ZFHX3: variants seen among roughly 807,000 people sequenced by gnomAD.
The protein encoded by ZFHX3 is zinc finger homeobox 3, also known as zinc finger homeobox protein 3.
In ZFHX3, 42 loss-of-function variants were observed where a neutral mutation model predicts 279.1. The observed-to-expected ratio is 0.15, with a 90% confidence interval of 0.12 to 0.19. The LOEUF (loss-of-function observed/expected upper bound fraction) is 0.19, where lower values mean the gene tolerates loss of function less well. Ranked by LOEUF, ZFHX3 falls within the 10% of genes least tolerant of loss-of-function variation. The probability of loss-of-function intolerance (pLI) is 1.00; values close to 1 mark genes in which losing one functional copy is unlikely to be tolerated. For synonymous variants in ZFHX3, 2,293 were observed against 1,957.8 expected, an observed-to-expected ratio of 1.17 and a Z score of -4.52; for missense variants, 4,981 against 4,754.0, an observed-to-expected ratio of 1.05 and a Z score of -1.40.
At position 72,795,599 on chromosome 16, in the gene ZFHX3, G is replaced by A. The variant is rs767177678; in HGVS notation, c.7083C>T (p.Asp2361=). The stretch of plus-strand genomic sequence containing the variant: ...CCATGGAATCCTCATTTTGGCTGTC[G>A]TCCTGCCCCTCCTCATCCTCATCCT... ...CYKDEDEEGQ[D]DSQNEDSMDA... is the part of the protein sequence containing the mutation. Residue 2361 remains aspartate (D), a synonymous_variant, in exon 9 of 10, where the codon GAC becomes GAT. Coordinates refer to ENST00000268489, the MANE Select transcript of ZFHX3 (RefSeq NM_006885.4). 1.4e-5 allele frequency: 22 copies of A among 1,613,690 alleles called. No individual in the cohort carries two copies. In the Admixed American group the frequency reaches 2.5e-4, roughly 18 times the overall value.
chr16:72,978,040 T>C (rs902899484), intron 1 of ZFHX3, among the ~76,000 whole-genome samples: 2 of 152,062 alleles, frequency 1.3e-5, no homozygotes, highest in Admixed American at 1.3e-4. Context: ...AATTTTTGTA[T>C]TTTTAGTAGA....
In ZFHX3 at chr16:72,959,487, G is replaced by A. The variant is rs1463750311; in HGVS notation, c.659C>T (p.Ala220Val). ...CAGGACGGGGCTGAGCCCCGCCAGG[G>A]CTGAGGTATTCGGGAAAGCCTGGTC... is the stretch of plus-strand genomic sequence containing the variant. ...GPDQAFPNTS[A>V]LAGLSPVLHS... The change falls in exon 2 of 10, where the codon GCC becomes GTC. Residue 220 changes from alanine to valine, a missense_variant. Coordinates refer to ENST00000268489, the MANE Select transcript of ZFHX3 (RefSeq NM_006885.4). The A allele has an allele frequency of 1.9e-6, 3 of 1,614,154 alleles. No individual in the cohort carries two copies. The highest frequency in any genetic ancestry group is 2.5e-6 in the Non-Finnish European group (3 of 1,180,056).
chr16:73,373,715 T>A (rs1340273457), intron 3 of ZFHX3, among the ~76,000 whole-genome samples: 3 of 152,222 alleles, frequency 2.0e-5, no homozygotes, highest in Non-Finnish European at 4.4e-5. Context: ...AGGCCATGCC[T>A]CTGAACACAT....
intron 1 of ZFHX3, among the ~76,000 whole-genome samples, chr16:73,832,216 T>C (rs1312060307): frequency 6.6e-6 from 1 of 152,012 alleles, no homozygotes; most frequent in Non-Finnish European, 1.5e-5. Context: ...TTTTTTTTTT[T>C]TCTTTTGCAT....
intron 4 of ZFHX3, among the ~76,000 whole-genome samples, chr16:73,313,437 A>G (rs2015373913): frequency 6.6e-6 from 1 of 152,216 alleles, no homozygotes; most frequent in Non-Finnish European, 1.5e-5. Flanking sequence ...CTACGTGTCA[A>G]AAAACACAGT....
At chr16:73,831,942 C>G (rs1961007824) in intron 1 of ZFHX3, among the ~76,000 whole-genome samples, 2 of 152,196 alleles carry the variant, frequency 1.3e-5, no homozygotes, top group Non-Finnish European at 2.9e-5. Context: ...TCTCTGTCAC[C>G]CAGGCTGGAG....
intron 2 of ZFHX3, among the ~76,000 whole-genome samples, chr16:73,542,695 T>C (rs2380338): frequency 0.11 from 16,659 of 152,234 alleles, 1,697 homozygotes; most frequent in African/African-American, 0.25. Context: ...GATGCCCAGT[T>C]AAATGTGAAT....
At chr16:73,445,009 C>G (rs938328381) in intron 3 of ZFHX3, among the ~76,000 whole-genome samples, 1 of 147,292 alleles carries the variant, frequency 6.8e-6, no homozygotes, top group African/African-American at 2.5e-5. Flanking sequence ...GTGACAGGGG[C>G]CTATAGTCCC....
intron 1 of ZFHX3, among the ~76,000 whole-genome samples, chr16:73,728,886 T>A (rs2053544956): frequency 6.6e-6 from 1 of 151,544 alleles, no homozygotes; most frequent in Non-Finnish European, 1.5e-5. Context: ...ATGAAAATCA[T>A]GCATACCAGG....
At chr16:73,157,313 C>A (rs899464022) in intron 5 of ZFHX3, among the ~76,000 whole-genome samples, 13 of 151,866 alleles carry the variant, frequency 8.6e-5, no homozygotes, top group Non-Finnish European at 1.3e-4. Context: ...CATACTTAAA[C>A]CTTGCATCAG....
At chr16:73,131,219 G>T (rs578007927) in intron 6 of ZFHX3, 11 of 314,230 alleles carry the variant, frequency 3.5e-5, no homozygotes, top group Admixed American at 8.4e-5. Flanking sequence ...ACCTGCAAAA[G>T]GTCAGCTACT....
intron 1 of ZFHX3, among the ~76,000 whole-genome samples, chr16:73,772,909 C>T (rs2054034739): frequency 1.3e-5 from 2 of 152,226 alleles, no homozygotes; most frequent in Admixed American, 6.5e-5. Context: ...ATTTCCCACA[C>T]TGCCACTACC....
chr16:73,607,187 C>A (rs898154859), intron 2 of ZFHX3, among the ~76,000 whole-genome samples: 1 of 152,150 alleles, frequency 6.6e-6, no homozygotes, highest in African/African-American at 2.4e-5. Context: ...TACCACCATG[C>A]CTGGCTAATT....
rs561857430 is a variant in ZFHX3, at chr16:73,258,167, G to A, written c.-1193-1031C>T. Among the ~76,000 whole-genome samples, 3 of 152,184 alleles carry A rather than the reference G, an allele frequency of 2.0e-5. No individual in the cohort carries two copies. In the South Asian group the frequency reaches 6.2e-4, roughly 32 times the overall value. On this transcript the variant is annotated intron_variant, in intron 4 of 17. Coordinates refer to the ZFHX3 transcript ENST00000641206. ...ATCTTCACATTCAGTCTTGACACCA[G>A]CTTTTCAAACAAGCATTCTTATTTC...
chr16:73,647,387 G>A (rs994387883), intron 2 of ZFHX3, among the ~76,000 whole-genome samples: 1 of 152,126 alleles, frequency 6.6e-6, no homozygotes, highest in Non-Finnish European at 1.5e-5. Flanking sequence ...GCTGGATCAC[G>A]GGGGCAGATT....
intron 4 of ZFHX3, among the ~76,000 whole-genome samples, chr16:73,310,105 C>T (rs2015290939): frequency 6.6e-6 from 1 of 151,964 alleles, no homozygotes; most frequent in South Asian, 2.1e-4. Flanking sequence ...GACAGGGTTT[C>T]ACCATATTGG....
chr16:72,867,628 T>C (rs943911447), intron 4 of ZFHX3, among the ~76,000 whole-genome samples: 1 of 152,174 alleles, frequency 6.6e-6, no homozygotes, highest in African/African-American at 2.4e-5. Context: ...TTTATTTTGA[T>C]TGGATCATCT....
At chr16:73,268,483 C>T (rs1188672504) in intron 4 of ZFHX3, among the ~76,000 whole-genome samples, 1 of 152,204 alleles carries the variant, frequency 6.6e-6, no homozygotes, top group Non-Finnish European at 1.5e-5. Flanking sequence ...GCCACTGGCG[C>T]TGCGCCCGAC....
chr16:72,891,486 CAG>C (rs530544143), intron 3 of ZFHX3, among the ~76,000 whole-genome samples: 49 of 152,248 alleles, frequency 3.2e-4, no homozygotes, highest in African/African-American at 1.0e-3. Context: ...TTTTGACTAA[CAG>C]AGAATGAATG....
Sources: gnomAD v4.1 joint callset for allele counts (sites outside exome capture counted in the v4.1 genomes callset) on GRCh38, gnomAD v4.1.1 for gene constraint, MANE v1.5 for transcripts, NCBI Gene and HGNC (gene_info 2026-07-23, HGNC 2026-07-21) for gene names.